STK31: variants seen among roughly 807,000 people sequenced by gnomAD.
The protein encoded by STK31 is serine/threonine kinase 31, also known as serine/threonine-protein kinase 31.
In STK31, 89 loss-of-function variants were observed where a neutral mutation model predicts 129.7. The ratio of observed to expected loss-of-function variants is 0.69; its 90% CI spans 0.58 to 0.82. The LOEUF (loss-of-function observed/expected upper bound fraction) is 0.82, where lower values mean the gene tolerates loss of function less well. Among genes scored for constraint, STK31 ranks in the 40% least tolerant of loss-of-function variants. The pLI is 0.00. For missense variants in STK31, 1,187 were observed against 1,176.4 expected, an observed-to-expected ratio of 1.01 and a Z score of -0.13; for synonymous variants, 448 against 395.3, an observed-to-expected ratio of 1.13 and a Z score of -1.58.
At chr7:23,788,732 A>G (rs1208358303) in intron 21 of STK31, among the ~76,000 whole-genome samples, 1 of 152,182 alleles carries the variant, frequency 6.6e-6, no homozygotes, top group Non-Finnish European at 1.5e-5. Flanking sequence ...GTATATATTT[A>G]TCATATACAA....
chr7:23,733,654 A>C (rs1340318637), intron 6 of STK31, among the ~76,000 whole-genome samples: 1 of 151,844 alleles, frequency 6.6e-6, no homozygotes, highest in Non-Finnish European at 1.5e-5. Context: ...TACAAAATAC[A>C]AAAAATTAGC....
Position 23,737,093 on chromosome 7 carries a change from T to G in STK31, c.1017+15T>G. On this transcript the variant is annotated intron_variant, in intron 8 of 23. Coordinates refer to ENST00000355870, the MANE Select transcript of STK31 (RefSeq NM_031414.5). Reference sequence around the variant, plus strand: ...AGGAGCTGCAGGTATGTTCAGTGGCTTAAGGTGAAGAGTGTCCAACTGGGA... The same window carrying G: ...AGGAGCTGCAGGTATGTTCAGTGGCGTAAGGTGAAGAGTGTCCAACTGGGA... 5 of 1,584,534 alleles carry G rather than the reference T, an allele frequency of 3.2e-6. No individual in the cohort carries two copies. Among genetic ancestry groups the G allele is most frequent in the Non-Finnish European group, 4.3e-6 (5 of 1,171,186 alleles).
chr7:23,735,577 A>G lies in STK31; in HGVS notation c.523A>G (p.Ile175Val), dbSNP rs765654516. Residue 175 changes from isoleucine to valine, a missense_variant, in exon 7 of 24, where the codon ATA becomes GTA. By Grantham distance (29) the Ile-to-Val change is conservative. This residue lies in a region of STK31 where 103 missense variants were observed against 110.4 expected (regional missense o/e 0.93). Coordinates refer to ENST00000355870, the MANE Select transcript of STK31 (RefSeq NM_031414.5). The part of the protein sequence containing the change: ...FLGSLIFEKE[I>V]KMRIKATSED... ...GGGGAGCTTGATTTTTGAAAAGGAA[A>G]TAAAAATGAGAATTAAAGCAACCTC... The G allele has an allele frequency of 6.2e-7, 1 of 1,606,152 alleles. No individual in the cohort carries two copies. Among genetic ancestry groups the G allele is most frequent in the Admixed American group, 1.7e-5 (1 of 58,856 alleles).
intron 6 of STK31, among the ~76,000 whole-genome samples, chr7:23,731,637 C>A (rs1787438448): frequency 1.3e-5 from 2 of 152,178 alleles, no homozygotes; most frequent in Non-Finnish European, 2.9e-5. Context: ...AATTCCTTCA[C>A]ATTTTTTTAA....
intron 4 of STK31, chr7:23,726,400 C>T (rs1262548433): frequency 1.7e-5 from 2 of 119,046 alleles, no homozygotes; most frequent in African/African-American, 6.7e-5. Flanking sequence ...GAAAGCCAGC[C>T]TGGGCAACAT....
At chr7:23,794,093 G>A (rs73082970) in intron 22 of STK31, among the ~76,000 whole-genome samples, 3,733 of 152,270 alleles carry the variant, frequency 0.025, 87 homozygotes, top group African/African-American at 0.061. Context: ...AGATAGGTGA[G>A]TCTTAAAATA....
intron 1 of STK31, 177 bp downstream of exon 1, chr7:23,710,512 A>G (rs1785877442): frequency 1.4e-6 from 2 of 1,468,478 alleles, no homozygotes; most frequent in Non-Finnish European, 1.8e-6. Flanking sequence ...GAGTGCATGC[A>G]GGCAGGCGAA....
At position 23,783,617 on chromosome 7, in the gene STK31, C is replaced by T. The variant is rs1791072804; in HGVS notation, c.2102C>T (p.Pro701Leu). 6.2e-7 allele frequency: 1 copy of T among 1,611,682 alleles called. No homozygotes were observed. The highest frequency in any genetic ancestry group is 1.3e-5 in the African/African-American group (1 of 74,926). Reference protein sequence around the residue: ...MLTSLAQKWFPELPLLHPEIG... With the variant: ...MLTSLAQKWFLELPLLHPEIG... ...ACTAGTTTGGCACAGAAATGGTTCC[C>T]TGAGCTGCCTCTGCTTCATCCTGAA... The change falls in exon 17 of 24, where the codon CCT (proline) becomes CTT (leucine). Residue 701 changes from proline to leucine, a missense_variant. Transcript: ENST00000355870.
chr7:23,757,702 T>A (rs1470028845), intron 10 of STK31, among the ~76,000 whole-genome samples: 1 of 151,976 alleles, frequency 6.6e-6, no homozygotes, highest in South Asian at 2.1e-4. Context: ...GCCTTCCTCT[T>A]ATCTCAACTG....
intron 22 of STK31, among the ~76,000 whole-genome samples, chr7:23,811,934 A>T (rs778513219): frequency 6.6e-6 from 1 of 152,206 alleles, no homozygotes; most frequent in Non-Finnish European, 1.5e-5. Flanking sequence ...CTTGAGTATC[A>T]GATGGTGGTG....
At chr7:23,741,466 G>A (rs965858725) in intron 8 of STK31, among the ~76,000 whole-genome samples, 1 of 151,768 alleles carries the variant, frequency 6.6e-6, no homozygotes, top group African/African-American at 2.4e-5. Flanking sequence ...TTTGACGTAT[G>A]TATACTCTCA....
chr7:23,814,912 T>C (rs1272592052), intron 22 of STK31, among the ~76,000 whole-genome samples: 2 of 152,162 alleles, frequency 1.3e-5, no homozygotes, highest in Admixed American at 6.5e-5. Context: ...TGAGGAAATA[T>C]TAAAGTGTTT....
chr7:23,785,456 T>C (rs1266858555), intron 17 of STK31, 22 bp from the exon 18 acceptor site: 1 of 1,609,164 alleles, frequency 6.2e-7, no homozygotes, highest in African/African-American at 1.3e-5. Flanking sequence ...ATTCTTTAAC[T>C]GTGATAAAAA....
intron 10 of STK31, 72 bp downstream of exon 10, chr7:23,754,546 T>TA (rs1396256458): frequency 4.6e-5 from 67 of 1,459,028 alleles, no homozygotes; most frequent in African/African-American, 5.7e-5. Flanking sequence ...TAATTTCTTC[T>TA]AAAAAAAATA....
intron 22 of STK31, among the ~76,000 whole-genome samples, chr7:23,810,261 C>T (rs1347224378): frequency 3.3e-5 from 5 of 151,822 alleles, no homozygotes; most frequent in South Asian, 2.1e-4. Flanking sequence ...TTCTGCCATC[C>T]GTTTACTCCA....
chr7:23,820,466 G>A (rs1793730855), intron 23 of STK31, among the ~76,000 whole-genome samples: 1 of 152,154 alleles, frequency 6.6e-6, no homozygotes, highest in Admixed American at 6.5e-5. Flanking sequence ...TATGGAATGT[G>A]TTAATGACAG....
intron 23 of STK31, among the ~76,000 whole-genome samples, chr7:23,829,487 A>C (rs557017543): frequency 6.6e-6 from 1 of 152,148 alleles, no homozygotes; most frequent in South Asian, 2.1e-4. Flanking sequence ...CTAATTAATC[A>C]TGGTGTATTA....
chr7:23,829,434 G>T (rs548508930), intron 23 of STK31, among the ~76,000 whole-genome samples: 15 of 152,308 alleles, frequency 9.8e-5, no homozygotes, highest in Middle Eastern at 3.4e-3. Flanking sequence ...TCATGTCGCT[G>T]ATTTGGGTGT....
intron 22 of STK31, among the ~76,000 whole-genome samples, chr7:23,809,262 A>G (rs113423256): frequency 4.5e-4 from 69 of 152,108 alleles, no homozygotes; most frequent in African/African-American, 1.6e-3. Flanking sequence ...GCACTGCATT[A>G]CTTTAATTGA....
Sources: allele counts gnomAD v4.1 joint callset (sites outside exome capture counted in the v4.1 genomes callset), GRCh38; gene constraint gnomAD v4.1.1; regional missense constraint gnomAD v4.1.1; transcripts MANE v1.5; gene names NCBI Gene and HGNC (gene_info 2026-07-23, HGNC 2026-07-21).